Variants in ZFC3H1 observed in about 807,000 individuals in gnomAD.
ZFC3H1 encodes the protein zinc finger C3H1-type containing, also known as zinc finger C3H1 domain-containing protein.
ZFC3H1 carries 71 observed loss-of-function variants against 243.7 expected under a neutral mutation model. The ratio of observed to expected loss-of-function variants is 0.29; its 90% CI spans 0.24 to 0.36. The LOEUF (loss-of-function observed/expected upper bound fraction) is 0.36. ZFC3H1 is among the 10% of genes least tolerant of loss of function. The pLI, the probability that ZFC3H1 is intolerant of heterozygous loss-of-function variation, is 1.00. For synonymous variants in ZFC3H1, 838 were observed against 813.0 expected (o/e 1.03, Z -0.52); for missense variants, 1,966 against 2,317.1 (o/e 0.85, Z 3.11).
At chr12:71,630,558 A>G (rs747132061) in intron 18 of ZFC3H1, 42 bp downstream of exon 18, 2 of 1,580,816 alleles carry the variant, frequency 1.3e-6, no homozygotes, top group South Asian at 2.3e-5. Flanking sequence ...AGTTGCCTAA[A>G]TTCAATTTTC....
In ZFC3H1 at chr12:71,629,719, A is replaced by T. The variant is rs1880272761; in HGVS notation, c.3725-9T>A. On this transcript the variant is annotated splice_polypyrimidine_tract_variant and intron_variant, in intron 18 of 34. Coordinates refer to ENST00000378743, the MANE Select transcript of ZFC3H1 (RefSeq NM_144982.5). ...TTTCTCAACATATTTTTCTGAAATA[A>T]GAGCAATGCAATCTTCATGATAAAT... The T allele has an allele frequency of 6.6e-7, 1 of 1,504,276 alleles. No individual in the cohort carries two copies. Among genetic ancestry groups the T allele is most frequent in the African/African-American group, 1.4e-5 (1 of 72,856 alleles). 93.2% of individuals were successfully genotyped at this position (1,504,276 alleles called of 1,614,324 possible). A position where few individuals can be genotyped will look rare whatever the true frequency, so the allele number is the denominator to read the frequency against.
At position 71,614,689 on chromosome 12, in the gene ZFC3H1, A is replaced by G; in HGVS notation, c.5372T>C (p.Phe1791Ser). ...GGATCCAGCAGCTCTATTATTTGCAAAGACAAGATAACTGCCAAAAGAAAA... is the reference window on the plus strand; with the variant it reads ...GGATCCAGCAGCTCTATTATTTGCAGAGACAAGATAACTGCCAAAAGAAAA... ...VQKIWMDYLV[F>S]ANNRAAGSRN... is the part of the protein sequence containing the mutation. The change falls in exon 30 of 35, where the codon TTT becomes TCT. Residue 1791 changes from phenylalanine to serine, a missense_variant. Physicochemically the swap from Phe to Ser is radical, Grantham distance 155 (BLOSUM62 -2). Transcript: ENST00000378743. 1.2e-6 allele frequency: 2 copies of G among 1,603,058 alleles called. No homozygotes were observed. Among genetic ancestry groups the G allele is most frequent in the South Asian group, 1.1e-5 (1 of 88,580 alleles).
At position 71,613,228 on chromosome 12, in the gene ZFC3H1, G is replaced by T. The variant is rs189598729; in HGVS notation, c.5627+107C>A. The T allele has an allele frequency of 7.4e-3, 5,245 of 709,752 alleles. 35 individuals are homozygous for T. The highest frequency in any genetic ancestry group is 0.015 in the Middle Eastern group (53 of 3,514). The allele number at this position is 709,752 out of a possible 1,614,324, so 44.0% of individuals were successfully genotyped here. On this transcript the variant is annotated intron_variant, in intron 31 of 34. Transcript: ENST00000378743. ...AAATTAAGCAGTATATATTCATGAG[G>T]ACATAGTGGAACAACAGACTATTTT...
rs771925772 is a variant in ZFC3H1, at chr12:71,632,879, C to T, written c.2817+7G>A. 15 of 1,608,710 alleles carry T rather than the reference C, an allele frequency of 9.3e-6. No individual in the cohort carries two copies. Among genetic ancestry groups the T allele is most frequent in the Non-Finnish European group, 1.3e-5 (15 of 1,178,776 alleles). On this transcript the variant is annotated splice_region_variant and intron_variant, in intron 14 of 34. Coordinates refer to ENST00000378743, the MANE Select transcript of ZFC3H1 (RefSeq NM_144982.5). The stretch of plus-strand genomic sequence containing the variant: ...CCAAAAGTAAAATATTTCTATAAAA[C>T]CCTCACCCCAAAGCGATCTTGTTCC...
chr12:71,642,635 T>C, intron 5 of ZFC3H1, 76 bp from the exon 6 acceptor site: 2 of 1,496,158 alleles, frequency 1.3e-6, no homozygotes, highest in East Asian at 2.3e-5. Flanking sequence ...CTGATAGTTA[T>C]CTTCTATGGA....
At chr12:71,623,681 T>C (rs542892435) in intron 23 of ZFC3H1, 84 bp from the exon 24 acceptor site, 7 of 964,914 alleles carry the variant, frequency 7.3e-6, no homozygotes, top group East Asian at 5.2e-5. Flanking sequence ...CTAAAGTTTA[T>C]GAAATAATAA....
At chr12:71,645,607 GA>G (rs150586348) in intron 3 of ZFC3H1, among the ~76,000 whole-genome samples, 1 of 152,044 alleles carries the variant, frequency 6.6e-6, no homozygotes, top group South Asian at 2.1e-4. Flanking sequence ...CTATTGAAGG[GA>G]AAAATCTATA....
chr12:71,632,569 T>G (rs1167646641), intron 14 of ZFC3H1, 55 bp from the exon 15 acceptor site: 5 of 1,503,932 alleles, frequency 3.3e-6, no homozygotes, highest in Non-Finnish European at 4.4e-6. Flanking sequence ...TATAAACAAT[T>G]TTTGGTAAGA....
chr12:71,629,802 A>C, intron 18 of ZFC3H1, 92 bp from the exon 19 acceptor site: 1 of 805,458 alleles, frequency 1.2e-6, no homozygotes, highest in Non-Finnish European at 2.0e-6. Flanking sequence ...TTAAGAATTA[A>C]AGGCGATTAT....
chr12:71,631,835 A>G lies in ZFC3H1; in HGVS notation c.3413T>C (p.Val1138Ala), dbSNP rs1199364365. The stretch of plus-strand genomic sequence containing the variant: ...GTAGGGTCTAAAAGGACATGGCTTC[A>G]CTTCCATTGTTTTACTTTGTGCTGT... Reference protein sequence around the residue: ...FVTAQSKTMEVKPCPFRPYHS... With the variant: ...FVTAQSKTMEAKPCPFRPYHS... The change falls in exon 16 of 35, where the codon GTG becomes GCG. Residue 1138 changes from valine to alanine, a missense_variant. Val to Ala is a moderately conservative substitution (Grantham distance 64, BLOSUM62 0). This residue lies in a region of ZFC3H1 where 1,383 missense variants were observed against 1,723.7 expected (regional missense o/e 0.80). Coordinates refer to ENST00000378743, the MANE Select transcript of ZFC3H1 (RefSeq NM_144982.5). 1 of 1,613,716 alleles carries G rather than the reference A, an allele frequency of 6.2e-7. No individual in the cohort carries two copies. Among genetic ancestry groups the G allele is most frequent in the African/African-American group, 1.3e-5 (1 of 74,928 alleles).
chr12:71,637,093 A>C, intron 7 of ZFC3H1, 34 bp from the exon 8 acceptor site: 1 of 1,562,686 alleles, frequency 6.4e-7, no homozygotes, highest in South Asian at 1.2e-5. Context: ...TTACAACGCA[A>C]ATTTTATCAA....
intron 3 of ZFC3H1, among the ~76,000 whole-genome samples, chr12:71,645,800 T>C (rs1565823097): frequency 6.6e-6 from 1 of 152,196 alleles, no homozygotes; most frequent in Non-Finnish European, 1.5e-5. Context: ...ACTTTCGAAA[T>C]AGTTTAAAAA....
intron 24 of ZFC3H1, among the ~76,000 whole-genome samples, chr12:71,621,325 A>G (rs914075695): frequency 6.7e-5 from 10 of 149,294 alleles, no homozygotes; most frequent in African/African-American, 2.2e-4. Context: ...TTTTTTTGAA[A>G]TGGAGTCTTG....
intron 1 of ZFC3H1, among the ~76,000 whole-genome samples, chr12:71,660,046 T>C (rs897140036): frequency 1.3e-5 from 2 of 152,208 alleles, no homozygotes; most frequent in Middle Eastern, 3.2e-3. Flanking sequence ...AACTAGCATA[T>C]CTTAGTTATT....
At chr12:71,660,242 T>C (rs1189760344) in intron 1 of ZFC3H1, 7 of 152,230 alleles carry the variant, frequency 4.6e-5, no homozygotes. Context: ...ACCTTGATAT[T>C]AAATAAATTT....
At chr12:71,616,058 G>C (rs892987158) in intron 27 of ZFC3H1, among the ~76,000 whole-genome samples, 1 of 152,174 alleles carries the variant, frequency 6.6e-6, no homozygotes, top group African/African-American at 2.4e-5. Context: ...GGGAGGCTGA[G>C]GCGGGTGGTT....
At chr12:71,653,871 G>A (rs142360850) in intron 2 of ZFC3H1, among the ~76,000 whole-genome samples, 125 of 152,142 alleles carry the variant, frequency 8.2e-4, no homozygotes, top group African/African-American at 1.3e-3. Context: ...AAAATTAGCC[G>A]GGCGCAATGG....
Position 71,657,319 on chromosome 12 carries a change from G to A in ZFC3H1, c.599-18C>T. On this transcript the variant is annotated intron_variant, in intron 1 of 34. Transcript: ENST00000378743. ...ACTTTTGGCTGAACAGCATATTAAG[G>A]AAACCAGTTTCCAAAAATTTTCCAC... 1 of 1,440,002 alleles carries A rather than the reference G, an allele frequency of 6.9e-7. No individual in the cohort carries two copies. The allele number at this position is 1,440,002 out of a possible 1,614,324, so 89.2% of individuals were successfully genotyped here. A position where few individuals can be genotyped will look rare whatever the true frequency, so the allele number is the denominator to read the frequency against.
chr12:71,639,750 T>C (rs1423023760), intron 6 of ZFC3H1, among the ~76,000 whole-genome samples: 1 of 152,164 alleles, frequency 6.6e-6, no homozygotes, highest in Non-Finnish European at 1.5e-5. Context: ...CCTTCATTCA[T>C]GAATTTTAGA....
Sources: allele counts gnomAD v4.1 joint callset (sites outside exome capture counted in the v4.1 genomes callset), GRCh38; gene constraint gnomAD v4.1.1; regional missense constraint gnomAD v4.1.1; transcripts MANE v1.5; gene names NCBI Gene and HGNC (gene_info 2026-07-23, HGNC 2026-07-21).